CHM: variants seen among roughly 807,000 people sequenced by gnomAD.
CHM encodes rab proteins geranylgeranyltransferase component A 1.
In CHM, 10 loss-of-function variants were observed where a neutral mutation model predicts 49.0. The ratio of observed to expected loss-of-function variants is 0.20; its 90% CI spans 0.13 to 0.35. The LOEUF is 0.35. Among genes scored for constraint, CHM ranks in the 10% least tolerant of loss-of-function variants. CHM has a pLI of 1.00. For missense variants in CHM, 455 were observed against 478.4 expected, an observed-to-expected ratio of 0.95 and a Z score of 0.46; for synonymous variants, 184 against 167.5, an observed-to-expected ratio of 1.10 and a Z score of -0.76.
chrX:85,892,670 G>A (rs925346142), intron 12 of CHM, among the ~76,000 whole-genome samples: 1 of 110,994 alleles, frequency 9.0e-6, no homozygotes, highest in Non-Finnish European at 1.9e-5. Context: ...AAGGAGAAAT[G>A]GTCCTCTGAG....
chrX:85,972,660 CCCG>C (rs1931008063), intron 4 of CHM, among the ~76,000 whole-genome samples: 1 of 112,786 alleles, frequency 8.9e-6, no homozygotes, highest in Non-Finnish European at 1.9e-5. Context: ...GAGTGCGGGG[CCCG>C]CCAAGCCCAC....
At chrX:85,877,368 T>A (rs1924481189) in intron 13 of CHM, among the ~76,000 whole-genome samples, 1 of 111,341 alleles carries the variant, frequency 9.0e-6, no homozygotes, top group Non-Finnish European at 1.9e-5. Flanking sequence ...GTGTTCTCAC[T>A]CATTTGTGGG....
intron 8 of CHM, among the ~76,000 whole-genome samples, chrX:85,919,912 GA>G (rs755735249): frequency 7.8e-5 from 8 of 102,617 alleles, no homozygotes; most frequent in South Asian, 4.3e-4. Flanking sequence ...ATGCCCAAGT[GA>G]AAAAAAAAAG....
intron 8 of CHM, among the ~76,000 whole-genome samples, chrX:85,947,995 G>T (rs890564148): frequency 9.0e-6 from 1 of 111,326 alleles, no homozygotes; most frequent in African/African-American, 3.3e-5. Context: ...ATAATGAAAG[G>T]CTGAATTATC....
At chrX:85,935,871 CATTA>C (rs1304304090) in intron 8 of CHM, among the ~76,000 whole-genome samples, 2 of 112,307 alleles carry the variant, frequency 1.8e-5, no homozygotes, top group African/African-American at 6.5e-5. Context: ...GTAAAAGCTA[CATTA>C]ATTATTTCAG....
intron 2 of CHM, among the ~76,000 whole-genome samples, chrX:86,021,168 ATATGTG>A (rs1933583631): frequency 2.6e-5 from 1 of 38,886 alleles, no homozygotes; most frequent in Non-Finnish European, 4.1e-5. Context: ...ACACGTATAT[ATATGTG>A]TATATATATA....
At chrX:85,935,462 C>T (rs745902734) in intron 8 of CHM, among the ~76,000 whole-genome samples, 4 of 111,170 alleles carry the variant, frequency 3.6e-5, no homozygotes, top group African/African-American at 1.3e-4. Context: ...GTTGTGTGAC[C>T]ATCATAGAGT....
Position 85,973,154 on chromosome X carries a change from CTG to C in CHM, c.314+5611_314+5612del, listed in dbSNP as rs1481409780. 9.4e-5 allele frequency among the ~76,000 whole-genome samples: 10 copies of C among 106,714 alleles called. No individual in the cohort carries two copies. The East Asian group carries it at 3.0e-3, about 32-fold the overall frequency. 92.7% of individuals were successfully genotyped at this position (106,714 alleles called of 115,157 possible). The stretch of plus-strand genomic sequence containing the variant: ...TCTCTACTAAAAATACAAAAATTAG[CTG>C]CGCATGGTGGCACGTGCCTGTAGTC... On this transcript the variant is annotated intron_variant, in intron 4 of 14. Transcript: ENST00000357749.
In CHM at chrX:85,958,912, C is replaced by A. The variant is rs769006455; in HGVS notation, c.768G>T (p.Glu256Asp). Residue 256 changes from glutamate to aspartate, a missense_variant, in exon 6 of 15, where the codon GAG becomes GAT. Glu to Asp is a conservative substitution (Grantham distance 45). Coordinates refer to ENST00000357749, the MANE Select transcript of CHM (RefSeq NM_000390.4). Reference sequence around the variant, plus strand: ...CAAGAATCCTGGTAATATTTTTAAACTCTGCATATCGACTAACATTAGATT... The same window carrying A: ...CAAGAATCCTGGTAATATTTTTAAAATCTGCATATCGACTAACATTAGATT... ...LIKSNVSRYA[E>D]FKNITRILAF... 8.3e-7 allele frequency: 1 copy of A among 1,211,382 alleles called. No homozygotes were observed. Among genetic ancestry groups the A allele is most frequent in the East Asian group, 3.0e-5 (1 of 33,830 alleles).
intron 13 of CHM, among the ~76,000 whole-genome samples, chrX:85,878,453 C>A (rs1468656521): frequency 9.3e-6 from 1 of 107,662 alleles, no homozygotes; most frequent in Admixed American, 1.0e-4. Context: ...GCACTCCAAC[C>A]TGGGCGACAG....
rs1212327329 is a variant in CHM, at chrX:85,963,657, G to T, written c.702+8C>A. The stretch of plus-strand genomic sequence containing the variant: ...TTCAATGCAAAGATGGGTAAAATTA[G>T]TACTTACCTTTGATACTAAATCAAT... On this transcript the variant is annotated splice_region_variant and intron_variant, in intron 5 of 14. Transcript: ENST00000357749. The T allele has an allele frequency of 2.7e-5, 32 of 1,191,376 alleles. No homozygotes were observed. The highest frequency in any genetic ancestry group is 3.0e-5 in the Non-Finnish European group (26 of 880,679).
chrX:85,868,313 C>T (rs886763548), intron 14 of CHM, among the ~76,000 whole-genome samples: 3 of 110,874 alleles, frequency 2.7e-5, no homozygotes, highest in African/African-American at 9.8e-5. Context: ...TAATGTACAG[C>T]ATGGTAACTA....
At chrX:85,898,475 A>C (rs1435209371) in intron 11 of CHM, among the ~76,000 whole-genome samples, 1 of 111,521 alleles carries the variant, frequency 9.0e-6, no homozygotes, top group Admixed American at 9.5e-5. Flanking sequence ...TACTGGCTTC[A>C]TCCCATCAGC....
intron 8 of CHM, among the ~76,000 whole-genome samples, chrX:85,945,407 T>C (rs1929346282): frequency 9.9e-6 from 1 of 100,717 alleles, no homozygotes; most frequent in Non-Finnish European, 2.0e-5. Flanking sequence ...CAAGATCTGG[T>C]TGTATAAAAA....
intron 8 of CHM, among the ~76,000 whole-genome samples, chrX:85,928,932 A>T (rs1170866501): frequency 8.9e-6 from 1 of 111,966 alleles, no homozygotes; most frequent in African/African-American, 3.2e-5. Context: ...TATGTTTTTT[A>T]AAGTTCCCCA....
At chrX:85,873,409 C>A (rs1924218092) in intron 13 of CHM, among the ~76,000 whole-genome samples, 197 bp from the exon 14 acceptor site, 1 of 111,562 alleles carries the variant, frequency 9.0e-6, no homozygotes, top group Non-Finnish European at 1.9e-5. Context: ...TCCAGTCATG[C>A]TCCTTTGGAC....
At chrX:86,008,312 T>C (rs1324071008) in intron 2 of CHM, among the ~76,000 whole-genome samples, 1 of 110,677 alleles carries the variant, frequency 9.0e-6, no homozygotes, top group Non-Finnish European at 1.9e-5. Context: ...ATGTAAATGA[T>C]GAGTTGATGG....
At chrX:85,984,286 A>G (rs1357493377) in intron 2 of CHM, among the ~76,000 whole-genome samples, 1 of 112,328 alleles carries the variant, frequency 8.9e-6, no homozygotes, top group Non-Finnish European at 1.9e-5. Flanking sequence ...TAAGACAGAT[A>G]TTAAAAGGTA....
intron 1 of CHM, among the ~76,000 whole-genome samples, chrX:86,033,216 A>T (rs1934109863): frequency 8.9e-6 from 1 of 111,748 alleles, no homozygotes; most frequent in South Asian, 3.7e-4. Context: ...TGCTTACACG[A>T]GATAAACATA....
Sources: allele counts gnomAD v4.1 joint callset (sites outside exome capture counted in the v4.1 genomes callset), GRCh38; gene constraint gnomAD v4.1.1; transcripts MANE v1.5; gene names NCBI Gene and HGNC (gene_info 2026-07-23, HGNC 2026-07-21).